The following ACTR3B variants were observed in gnomAD, a reference collection of about 807,000 sequenced individuals.
ACTR3B encodes the protein actin related protein 3B.
A neutral mutation model predicts 59.0 loss-of-function variants in ACTR3B; 8 were observed. The observed-to-expected ratio is 0.14, with a 90% CI of 0.08 to 0.24. The LOEUF is 0.24. Ranked by LOEUF, ACTR3B falls within the 10% of genes least tolerant of loss-of-function variation. ACTR3B has a pLI of 1.00. For missense variants in ACTR3B, 245 were observed against 552.3 expected, an observed-to-expected ratio of 0.44 and a Z score of 5.58; for synonymous variants, 148 against 197.9, an observed-to-expected ratio of 0.75 and a Z score of 2.12.
intron 9 of ACTR3B, among the ~76,000 whole-genome samples, chr7:152,845,524 C>T (rs1798201310): frequency 6.6e-6 from 1 of 152,210 alleles, no homozygotes; most frequent in Non-Finnish European, 1.5e-5. Context: ...ACTTGGAGCT[C>T]CCATGACGTT....
chr7:152,815,199 C>G (rs1182786137), intron 5 of ACTR3B, among the ~76,000 whole-genome samples: 2 of 151,992 alleles, frequency 1.3e-5, no homozygotes, highest in African/African-American at 4.8e-5. Context: ...CAAATGTTTT[C>G]TGCATAATAC....
At chr7:152,834,664 T>C (rs1797302937) in intron 9 of ACTR3B, among the ~76,000 whole-genome samples, 1 of 152,164 alleles carries the variant, frequency 6.6e-6, no homozygotes, top group Admixed American at 6.5e-5. Context: ...ATACCAACTC[T>C]TTTTTCTGTA....
chr7:152,849,165 A>T (rs1457590400), intron 9 of ACTR3B, among the ~76,000 whole-genome samples: 1 of 152,198 alleles, frequency 6.6e-6, no homozygotes, highest in African/African-American at 2.4e-5. Context: ...CCAGATGAGG[A>T]CAGACTGCAG....
At chr7:152,817,740 C>T (rs1795821666) in intron 6 of ACTR3B, among the ~76,000 whole-genome samples, 1 of 152,156 alleles carries the variant, frequency 6.6e-6, no homozygotes, top group Non-Finnish European at 1.5e-5. Context: ...TATTTACATA[C>T]ACACAGCTCT....
In ACTR3B at chr7:152,835,454, G is replaced by T. The variant is rs558238636; in HGVS notation, c.951+10332G>T. ...CCTGGTGCACATGAAGGCTATGTTT[G>T]CACTGTATTATGGTTTAAGTGTATA... On this transcript the variant is annotated intron_variant, in intron 9 of 11. Transcript: ENST00000256001. 3.9e-5 allele frequency among the ~76,000 whole-genome samples: 6 copies of T among 152,310 alleles called. No homozygotes were observed. The South Asian group carries it at 1.0e-3, about 26-fold the overall frequency.
intron 4 of ACTR3B, chr7:152,812,537 GT>G (rs541458442): frequency 8.8e-5 from 12 of 136,550 alleles, no homozygotes; most frequent in East Asian, 2.4e-4. Context: ...TTATTTTATT[GT>G]TTTTTTTTAA....
chr7:152,786,500 C>A, intron 2 of ACTR3B: 1 of 160,186 alleles, frequency 6.2e-6, no homozygotes, highest in Non-Finnish European at 1.4e-5. Context: ...TTGCAGTGAG[C>A]CGAAATTGCA....
At chr7:152,849,394 G>A (rs1054281782) in intron 9 of ACTR3B, among the ~76,000 whole-genome samples, 3 of 152,146 alleles carry the variant, frequency 2.0e-5, no homozygotes, top group African/African-American at 4.8e-5. Flanking sequence ...CCTCAGAACC[G>A]CCCTGGTTCC....
intron 9 of ACTR3B, among the ~76,000 whole-genome samples, chr7:152,850,595 C>T (rs1335147741): frequency 6.6e-6 from 1 of 152,254 alleles, no homozygotes; most frequent in East Asian, 1.9e-4. Flanking sequence ...ATCTCTAATC[C>T]TGAGTCCACG....
At chr7:152,792,892 A>G (rs558705982) in intron 2 of ACTR3B, among the ~76,000 whole-genome samples, 2 of 152,266 alleles carry the variant, frequency 1.3e-5, no homozygotes, top group South Asian at 2.1e-4. Context: ...GATTTGCTCT[A>G]TTCTCGGGAT....
At chr7:152,760,184 G>T (rs1260086174) in intron 1 of ACTR3B, among the ~76,000 whole-genome samples, 2 of 152,114 alleles carry the variant, frequency 1.3e-5, no homozygotes, top group Admixed American at 1.3e-4. Flanking sequence ...AGCGAGCCCG[G>T]CGCTCCTCGC....
intron 6 of ACTR3B, among the ~76,000 whole-genome samples, chr7:152,818,459 T>A (rs983890008): frequency 6.6e-6 from 1 of 151,990 alleles, no homozygotes; most frequent in African/African-American, 2.4e-5. Context: ...TCTTTTTCTT[T>A]TTTTTTTGGA....
chr7:152,788,621 C>CAG (rs1463182637), intron 2 of ACTR3B, among the ~76,000 whole-genome samples: 4 of 152,034 alleles, frequency 2.6e-5, no homozygotes, highest in Non-Finnish European at 5.9e-5. Flanking sequence ...CTATGTTGGC[C>CAG]AGGCTGGTCT....
At chr7:152,765,593 T>A (rs192904334) in intron 1 of ACTR3B, among the ~76,000 whole-genome samples, 1,899 of 152,048 alleles carry the variant, frequency 0.012, 23 homozygotes, top group Non-Finnish European at 0.021. Context: ...ATGCAACATT[T>A]AAAAAAATCT....
intron 3 of ACTR3B, among the ~76,000 whole-genome samples, chr7:152,801,252 T>A (rs1396438022): frequency 6.6e-6 from 1 of 152,218 alleles, no homozygotes; most frequent in Non-Finnish European, 1.5e-5. Flanking sequence ...GCTGATTTTT[T>A]AATTTTTTGT....
chr7:152,846,861 G>GC (rs1351731029), intron 9 of ACTR3B, among the ~76,000 whole-genome samples: 4 of 143,740 alleles, frequency 2.8e-5, no homozygotes. Context: ...GAGCTCTAGT[G>GC]CCTGGGCTGC....
chr7:152,817,851 A>G (rs1350991412), intron 6 of ACTR3B, among the ~76,000 whole-genome samples: 10 of 152,222 alleles, frequency 6.6e-5, no homozygotes, highest in African/African-American at 2.2e-4. Flanking sequence ...ACTAATACCA[A>G]TGCCTTTAAT....
chr7:152,830,317 G>A (rs2530932), intron 9 of ACTR3B, among the ~76,000 whole-genome samples: 1 of 152,204 alleles, frequency 6.6e-6, no homozygotes, highest in Non-Finnish European at 1.5e-5. Context: ...GGAGGGTGGG[G>A]CCAGCAATAA....
intron 4 of ACTR3B, among the ~76,000 whole-genome samples, chr7:152,805,393 A>G (rs2098249341): frequency 1.3e-5 from 2 of 152,180 alleles, no homozygotes; most frequent in South Asian, 4.1e-4. Context: ...GCCAGCTCCA[A>G]GCAGCAGGTG....
Sources: allele counts gnomAD v4.1 joint callset (sites outside exome capture counted in the v4.1 genomes callset), GRCh38; gene constraint gnomAD v4.1.1; transcripts MANE v1.5; gene names NCBI Gene and HGNC (gene_info 2026-07-23, HGNC 2026-07-21).